CTDP1: variants seen among roughly 807,000 people sequenced by gnomAD.
CTDP1 encodes CTD phosphatase 1, also known as RNA polymerase II subunit A C-terminal domain phosphatase.
Under a neutral mutation model 91.8 loss-of-function variants are expected in CTDP1, and 47 were observed. That is an observed-to-expected ratio of 0.51 (90% CI 0.41 to 0.65). The LOEUF (loss-of-function observed/expected upper bound fraction) is 0.65, where lower values mean the gene tolerates loss of function less well. Ranked by LOEUF, CTDP1 falls within the 30% of genes least tolerant of loss-of-function variation. The probability of loss-of-function intolerance (pLI) is 0.00; values close to 1 mark genes in which losing one functional copy is unlikely to be tolerated. For synonymous variants in CTDP1, 656 were observed against 598.5 expected, an observed-to-expected ratio of 1.10 and a Z score of -1.40; for missense variants, 1,272 against 1,373.7, an observed-to-expected ratio of 0.93 and a Z score of 1.17.
chr18:79,680,198 G>A lies in CTDP1; in HGVS notation c.251G>A (p.Arg84Lys). The change falls in exon 1 of 13, where the codon AGG (arginine) becomes AAG (lysine). Residue 84 changes from arginine (R) to lysine (K), a missense_variant. Arg to Lys is a conservative substitution (Grantham distance 26). This residue lies in a region of CTDP1 where 214 missense variants were observed against 179.1 expected (regional missense o/e 1.19). Coordinates refer to ENST00000613122, the MANE Select transcript of CTDP1 (RefSeq NM_004715.5). The part of the protein sequence containing the change: ...VRPARPERRL[R>K]SERAGVVREL... ...CCCGCGCGGCCGGAACGCAGGCTGA[G>A]GTCGGAGCGCGCGGGCGTGGTGCGG... 1.5e-6 allele frequency: 2 copies of A among 1,377,740 alleles called. No individual in the cohort carries two copies. The highest frequency in any genetic ancestry group is 1.9e-6 in the Non-Finnish European group (2 of 1,072,120). The allele number at this position is 1,377,740 out of a possible 1,614,324, so 85.3% of individuals were successfully genotyped here.
chr18:79,711,000 A>G (rs1019408848), intron 6 of CTDP1, among the ~76,000 whole-genome samples: 5 of 151,940 alleles, frequency 3.3e-5, no homozygotes, highest in Admixed American at 6.6e-5. Flanking sequence ...AGGGCCCCCA[A>G]TCCAGGCTCT....
At chr18:79,703,336 T>A (rs929667329) in intron 4 of CTDP1, among the ~76,000 whole-genome samples, 12 of 152,198 alleles carry the variant, frequency 7.9e-5, no homozygotes, top group African/African-American at 2.4e-4. Context: ...TACCTTTTTT[T>A]AAAGCCATTA....
chr18:79,724,415 G>A (rs1296370151), intron 10 of CTDP1, among the ~76,000 whole-genome samples: 4 of 152,174 alleles, frequency 2.6e-5, no homozygotes, highest in Non-Finnish European at 5.9e-5. Context: ...TGGAATACCT[G>A]CATCATCATT....
At position 79,718,528 on chromosome 18, in the gene CTDP1, G is replaced by T. The variant is rs145566687; in HGVS notation, c.2417+512G>T. 3.3e-5 allele frequency among the ~76,000 whole-genome samples: 5 copies of T among 152,156 alleles called. No homozygotes were observed. The South Asian group carries it at 8.3e-4, about 25-fold the overall frequency. ...GGGAAACTTGATTGGACTGGAAGGC[G>T]TTGGTAGCCGGGATCTGTGCTGCCC... On this transcript the variant is annotated intron_variant, in intron 10 of 12. Coordinates refer to ENST00000613122, the MANE Select transcript of CTDP1 (RefSeq NM_004715.5).
chr18:79,704,144 GCACT>G lies in CTDP1; in HGVS notation c.622-613_622-610del, dbSNP rs1184395540. On this transcript the variant is annotated intron_variant, in intron 4 of 12. Transcript: ENST00000613122. ...GGGCATTCCCGCAGCAGAGAAGGCCGCACTCACTCACTCGTACCGCGTGCATGGA... is the reference window on the plus strand; with the variant it reads ...GGGCATTCCCGCAGCAGAGAAGGCCGCACTCACTCGTACCGCGTGCATGGA... Among the ~76,000 whole-genome samples the G allele has an allele frequency of 4.3e-4, 65 of 152,316 alleles. No homozygotes were observed. The East Asian group carries it at 9.2e-3, about 22-fold the overall frequency.
At chr18:79,718,163 G>A (rs1200301199) in intron 10 of CTDP1, 147 bp downstream of exon 10, 13 of 933,648 alleles carry the variant, frequency 1.4e-5, no homozygotes, top group Middle Eastern at 2.1e-4. Context: ...TTGTGGGAGC[G>A]CCGCCCCCGC....
intron 12 of CTDP1, among the ~76,000 whole-genome samples, chr18:79,748,866 G>A (rs1190345163): frequency 1.3e-5 from 2 of 150,826 alleles, no homozygotes; most frequent in Non-Finnish European, 1.5e-5. Context: ...TGTGTGAGCC[G>A]TTCTGTGTGT....
chr18:79,689,592 C>T (rs1379411331), intron 1 of CTDP1, among the ~76,000 whole-genome samples: 1 of 152,160 alleles, frequency 6.6e-6, no homozygotes, highest in Non-Finnish European at 1.5e-5. Context: ...TCGAGACCAG[C>T]CTGGCCAATA....
At chr18:79,742,072 T>C (rs918110681) in intron 12 of CTDP1, among the ~76,000 whole-genome samples, 1 of 146,856 alleles carries the variant, frequency 6.8e-6, no homozygotes, top group South Asian at 2.2e-4. Flanking sequence ...GCATGAGGCG[T>C]CGTGGGAGAG....
chr18:79,730,776 G>A (rs1384663021), intron 11 of CTDP1, among the ~76,000 whole-genome samples: 2 of 152,158 alleles, frequency 1.3e-5, no homozygotes, highest in Non-Finnish European at 1.5e-5. Flanking sequence ...CCAAGGACCC[G>A]AGGCCTCTGG....
chr18:79,698,892 G>C (rs1305874900), intron 4 of CTDP1, among the ~76,000 whole-genome samples: 1 of 152,192 alleles, frequency 6.6e-6, no homozygotes, highest in Non-Finnish European at 1.5e-5. Context: ...AGCTGGGACA[G>C]ATTGATGACA....
At chr18:79,693,280 T>C (rs115799170) in intron 1 of CTDP1, among the ~76,000 whole-genome samples, 107 of 152,032 alleles carry the variant, frequency 7.0e-4, no homozygotes, top group African/African-American at 2.5e-3. Context: ...TTTTCAGAGA[T>C]TGGGTTTTTA....
rs777163921 is a variant in CTDP1, at chr18:79,680,025, G to C, written c.78G>C (p.Gly26=). ...TAAVAEVRCP[G]PAPLRLLEWR... ...CTGTGGCCGAGGTGCGCTGCCCGGG[G>C]CCCGCGCCGCTGCGCCTGCTGGAGT... is the stretch of plus-strand genomic sequence containing the variant. The change falls in exon 1 of 13, where the codon GGG becomes GGC. Residue 26 remains glycine, a synonymous_variant. Transcript: ENST00000613122. The C allele has an allele frequency of 2.6e-4, 331 of 1,265,660 alleles. No homozygotes were observed. The highest frequency in any genetic ancestry group is 3.1e-4 in the Non-Finnish European group (318 of 1,009,870). The allele number at this position is 1,265,660 out of a possible 1,614,324, so 78.4% of individuals were successfully genotyped here.
intron 7 of CTDP1, 58 bp from the exon 8 acceptor site, chr18:79,714,433 C>G (rs965065994): frequency 1.9e-6 from 3 of 1,578,928 alleles, no homozygotes; most frequent in African/African-American, 1.3e-5. Context: ...TAACTTGGAA[C>G]GTTATTTAAT....
At chr18:79,727,347 G>A (rs1008254100) in intron 10 of CTDP1, among the ~76,000 whole-genome samples, 7 of 152,184 alleles carry the variant, frequency 4.6e-5, no homozygotes, top group African/African-American at 1.4e-4. Context: ...CGCGGTGTTC[G>A]CGGGATGGGA....
chr18:79,693,711 T>A (rs1029778196), intron 1 of CTDP1, among the ~76,000 whole-genome samples: 1 of 152,118 alleles, frequency 6.6e-6, no homozygotes, highest in African/African-American at 2.4e-5. Context: ...GCACCGTGTG[T>A]CCTCAGCACC....
At chr18:79,730,146 A>G (rs1234256870) in intron 11 of CTDP1, among the ~76,000 whole-genome samples, 1 of 152,138 alleles carries the variant, frequency 6.6e-6, no homozygotes, top group Non-Finnish European at 1.5e-5. Context: ...GGTGTGCTGA[A>G]TTTCTCTGCC....
Position 79,746,836 on chromosome 18 carries a change from A to T in CTDP1, c.2748-6816A>T, listed in dbSNP as rs530280203. On this transcript the variant is annotated intron_variant, in intron 12 of 12. Coordinates refer to ENST00000613122, the MANE Select transcript of CTDP1 (RefSeq NM_004715.5). Reference sequence around the variant, plus strand: ...GGGACTTCCTTTGTTGCCCATTGAGACCAGCCTGGCCTCAAACTCCTGGCC... The same window carrying T: ...GGGACTTCCTTTGTTGCCCATTGAGTCCAGCCTGGCCTCAAACTCCTGGCC... Among the ~76,000 whole-genome samples, 9 of 152,080 alleles carry T rather than the reference A, an allele frequency of 5.9e-5. No homozygotes were observed. The East Asian group carries it at 1.5e-3, about 26-fold the overall frequency.
At chr18:79,704,965 T>C (rs1401129454) in intron 5 of CTDP1, 48 bp downstream of exon 5, 1 of 1,609,068 alleles carries the variant, frequency 6.2e-7, no homozygotes, top group Non-Finnish European at 8.5e-7. Flanking sequence ...TGGGTTTCTT[T>C]CCTGTTTTCG....
Sources: gnomAD v4.1 joint callset for allele counts (sites outside exome capture counted in the v4.1 genomes callset) on GRCh38, gnomAD v4.1.1 for gene constraint, gnomAD v4.1.1 regional missense constraint, MANE v1.5 for transcripts, NCBI Gene and HGNC (gene_info 2026-07-23, HGNC 2026-07-21) for gene names.